NBAS: variants seen among roughly 807,000 people sequenced by gnomAD.
NBAS encodes NAG/BC035112 fusion.
NBAS carries 219 observed loss-of-function variants against 302.5 expected under a neutral mutation model. That is an observed-to-expected ratio of 0.72 (90% confidence interval 0.65 to 0.81). The LOEUF (loss-of-function observed/expected upper bound fraction) is 0.81, where lower values mean the gene tolerates loss of function less well. NBAS is among the 30% of genes least tolerant of loss of function. NBAS has a pLI of 0.00. For synonymous variants in NBAS, 1,118 were observed against 1,021.6 expected, an observed-to-expected ratio of 1.09 and a Z score of -1.80; for missense variants, 2,932 against 2,841.6, an observed-to-expected ratio of 1.03 and a Z score of -0.72.
intron 23 of NBAS, among the ~76,000 whole-genome samples, chr2:15,422,607 AT>A (rs1003058802): frequency 3.3e-5 from 5 of 151,918 alleles, no homozygotes; most frequent in African/African-American, 1.2e-4. Context: ...TCTGTCACTA[AT>A]TTTTTGAAAC....
At chr2:15,034,526 G>A in the NBAS span, among the ~76,000 whole-genome samples, 9,878 of 152,062 alleles carry the variant, frequency 0.065, 504 homozygotes, top group East Asian at 0.22. Flanking sequence ...CTTTGTTGTA[G>A]CAGCCTGAAC....
At chr2:15,447,145 C>T (rs1307004884) in intron 21 of NBAS, among the ~76,000 whole-genome samples, 1 of 152,166 alleles carries the variant, frequency 6.6e-6, no homozygotes, top group Non-Finnish European at 1.5e-5. Flanking sequence ...CAGTTTAAAA[C>T]ATCAGCTTTA....
At chr2:14,826,909 A>G in the NBAS span, among the ~76,000 whole-genome samples, 1 of 152,160 alleles carries the variant, frequency 6.6e-6, no homozygotes, top group African/African-American at 2.4e-5. Flanking sequence ...ACATGTTCCA[A>G]CTCTTTGTAA....
chr2:15,336,113 C>T (rs1041898142), intron 35 of NBAS, among the ~76,000 whole-genome samples: 3 of 151,182 alleles, frequency 2.0e-5, no homozygotes, highest in Non-Finnish European at 4.4e-5. Context: ...AAAAAGAAAT[C>T]TTTGCCTGTT....
intron 47 of NBAS, among the ~76,000 whole-genome samples, chr2:15,226,522 T>C (rs1270782413): frequency 6.6e-6 from 1 of 152,208 alleles, no homozygotes. Context: ...ATAGATTTCT[T>C]TTATGAAAGA....
chr2:15,307,578 A>G (rs1309169236), intron 40 of NBAS, among the ~76,000 whole-genome samples: 1 of 152,222 alleles, frequency 6.6e-6, no homozygotes, highest in East Asian at 1.9e-4. Flanking sequence ...TCACAATGCC[A>G]ATAATTAAAA....
the NBAS span, among the ~76,000 whole-genome samples, chr2:14,941,188 A>T: frequency 6.6e-6 from 1 of 152,248 alleles, no homozygotes; most frequent in Admixed American, 6.5e-5. Context: ...GGGAAGGCTC[A>T]TAACCACCCA....
chr2:15,546,726 T>C (rs1394312502), intron 6 of NBAS, among the ~76,000 whole-genome samples: 3 of 152,226 alleles, frequency 2.0e-5, no homozygotes, highest in Non-Finnish European at 4.4e-5. Context: ...AGACTCCGTC[T>C]GAAAACAAAA....
intron 11 of NBAS, among the ~76,000 whole-genome samples, chr2:15,495,835 T>G (rs1374647285): frequency 2.0e-5 from 3 of 152,120 alleles, no homozygotes; most frequent in African/African-American, 7.2e-5. Context: ...ACTCTGACAT[T>G]AGGAACAGAA....
chr2:15,454,402 T>TAA (rs539471228), intron 21 of NBAS, among the ~76,000 whole-genome samples: 1 of 146,854 alleles, frequency 6.8e-6, no homozygotes, highest in Non-Finnish European at 1.5e-5. Flanking sequence ...GGATATTAGT[T>TAA]AAAAAAAAAA....
intron 30 of NBAS, among the ~76,000 whole-genome samples, chr2:15,378,657 A>C (rs1323143796): frequency 6.6e-6 from 1 of 152,232 alleles, no homozygotes; most frequent in Non-Finnish European, 1.5e-5. Flanking sequence ...ATTTTATAGG[A>C]AAGTGTTGAA....
chr2:15,489,084 T>C (rs1680751457), intron 11 of NBAS, 62 bp from the exon 12 acceptor site: 1 of 1,572,178 alleles, frequency 6.4e-7, no homozygotes, highest in South Asian at 1.1e-5. Flanking sequence ...AACTCAGAAG[T>C]AAATGACACT....
At chr2:14,806,266 G>T in the NBAS span, among the ~76,000 whole-genome samples, 11 of 152,108 alleles carry the variant, frequency 7.2e-5, no homozygotes, top group Non-Finnish European at 1.2e-4. Flanking sequence ...GACTCCCTCA[G>T]TCATGAAGTT....
At chr2:15,275,454 C>A in intron 44 of NBAS, 30 bp downstream of exon 44, 1 of 1,603,220 alleles carries the variant, frequency 6.2e-7, no homozygotes, top group South Asian at 1.1e-5. Context: ...CTACTGTGCT[C>A]AAACCACTTT....
At chr2:15,402,448 G>A in intron 25 of NBAS, 147 bp from the exon 26 acceptor site, 2 of 778,646 alleles carry the variant, frequency 2.6e-6, no homozygotes, top group South Asian at 1.7e-5. Flanking sequence ...AGATTTCTGG[G>A]GTCTTTAATA....
chr2:14,945,117 C>A, the NBAS span, among the ~76,000 whole-genome samples: 2 of 152,188 alleles, frequency 1.3e-5, no homozygotes. Flanking sequence ...GGTTTATTCA[C>A]AGGATCCCTG....
At chr2:15,376,464 G>C in intron 30 of NBAS, among the ~76,000 whole-genome samples, 1 of 152,054 alleles carries the variant, frequency 6.6e-6, no homozygotes, top group Non-Finnish European at 1.5e-5. Context: ...AAGACTATTT[G>C]GTATTTTCAT....
At chr2:14,949,669 G>GTATAGA in the NBAS span, among the ~76,000 whole-genome samples, 18 of 152,238 alleles carry the variant, frequency 1.2e-4, no homozygotes, top group Admixed American at 2.6e-4. Context: ...ATATATGTGT[G>GTATAGA]TATAGATATA....
intron 1 of NBAS, among the ~76,000 whole-genome samples, chr2:15,559,062 CAAAAAA>C (rs70961421): frequency 2.8e-4 from 14 of 50,416 alleles, no homozygotes; most frequent in Admixed American, 7.2e-4. Flanking sequence ...GACCCTGCCT[CAAAAAA>C]AAAAAAAAAA....
Sources: allele counts gnomAD v4.1 joint callset (sites outside exome capture counted in the v4.1 genomes callset), GRCh38; gene constraint gnomAD v4.1.1; transcripts MANE v1.5; gene names NCBI Gene and HGNC (gene_info 2026-07-23, HGNC 2026-07-21).